FSTL1: variants seen among roughly 807,000 people sequenced by gnomAD.
FSTL1 encodes follistatin like 1, also known as follistatin-related protein 1.
A neutral mutation model predicts 45.9 loss-of-function variants in FSTL1; 24 were observed. The observed-to-expected ratio is 0.52, with a 90% CI of 0.38 to 0.74. FSTL1 has a LOEUF of 0.74. Among genes scored for constraint, FSTL1 ranks in the 30% least tolerant of loss-of-function variants. FSTL1 has a pLI of 0.00. For synonymous variants in FSTL1, 120 were observed against 137.6 expected (o/e 0.87, Z 0.89); for missense variants, 340 against 381.8 (o/e 0.89, Z 0.91).
intron 2 of FSTL1, among the ~76,000 whole-genome samples, chr3:120,422,727 C>A (rs1408984707): frequency 1.3e-5 from 2 of 151,456 alleles, no homozygotes; most frequent in African/African-American, 4.9e-5. Context: ...TGGAGTCTCG[C>A]TCTGGTGCCA....
At chr3:120,409,736 G>C (rs1937015564) in intron 5 of FSTL1, 74 bp from the exon 6 acceptor site, 3 of 1,455,076 alleles carry the variant, frequency 2.1e-6, no homozygotes, top group African/African-American at 1.4e-5. Context: ...CCACTGTGTG[G>C]GAGCATCCGT....
chr3:120,424,980 G>C (rs916509), intron 2 of FSTL1, among the ~76,000 whole-genome samples: 38,348 of 152,084 alleles, frequency 0.25, 5,840 homozygotes, highest in Middle Eastern at 0.37. Flanking sequence ...GAACAAATGA[G>C]CTCAGGAGAA....
Position 120,411,987 on chromosome 3 carries a change from A to T in FSTL1, c.169-4T>A. 1 of 1,609,524 alleles carries T rather than the reference A, an allele frequency of 6.2e-7. No individual in the cohort carries two copies. The highest frequency in any genetic ancestry group is 2.2e-5 in the East Asian group (1 of 44,796). ...GCCTCTTGTGAGGTTTGCATTGCTG[A>T]AACAGACCCAAAAGAGAATGTTTGT... is the stretch of plus-strand genomic sequence containing the variant. On this transcript the variant is annotated splice_region_variant and splice_polypyrimidine_tract_variant and intron_variant, in intron 3 of 10. Coordinates refer to ENST00000295633, the MANE Select transcript of FSTL1 (RefSeq NM_007085.5).
rs577117405 is a variant in FSTL1 at position 120,431,794 on chromosome 3, T to C, written c.64-15767A>G. ...GAATACTTTTCAAGTGGTGTATAACTGAAGTCAATAGAGATTATCTGAACA... is the reference window on the plus strand; with the variant it reads ...GAATACTTTTCAAGTGGTGTATAACCGAAGTCAATAGAGATTATCTGAACA... On this transcript the variant is annotated intron_variant, in intron 2 of 10. Coordinates refer to ENST00000295633, the MANE Select transcript of FSTL1 (RefSeq NM_007085.5). 2.9e-3 allele frequency among the ~76,000 whole-genome samples: 443 copies of C among 152,338 alleles called. 2 individuals carry two copies. The highest frequency in any genetic ancestry group is 9.9e-3 in the African/African-American group (412 of 41,572).
intron 2 of FSTL1, among the ~76,000 whole-genome samples, chr3:120,420,978 T>C (rs1018639173): frequency 1.2e-4 from 18 of 152,220 alleles, no homozygotes; most frequent in Non-Finnish European, 2.2e-4. Flanking sequence ...AAAAAGATCT[T>C]TGCAAGCAAA....
intron 2 of FSTL1, among the ~76,000 whole-genome samples, chr3:120,430,045 G>A (rs1937450040): frequency 6.6e-6 from 1 of 152,142 alleles, no homozygotes; most frequent in Non-Finnish European, 1.5e-5. Flanking sequence ...CAGGGATCCT[G>A]TAGTCATGAA....
chr3:120,425,715 G>T (rs117756142), intron 2 of FSTL1, among the ~76,000 whole-genome samples: 5 of 152,166 alleles, frequency 3.3e-5, no homozygotes, highest in Non-Finnish European at 5.9e-5. Flanking sequence ...CCAAACTAAA[G>T]AAAGTGGTTA....
At chr3:120,414,396 C>G (rs1937147151) in intron 3 of FSTL1, among the ~76,000 whole-genome samples, 1 of 152,254 alleles carries the variant, frequency 6.6e-6, no homozygotes, top group Non-Finnish European at 1.5e-5. Context: ...GCCCGGCCGC[C>G]CATCGTCTGA....
chr3:120,435,290 C>T (rs1053489390), intron 2 of FSTL1, among the ~76,000 whole-genome samples: 4 of 152,196 alleles, frequency 2.6e-5, no homozygotes, highest in Non-Finnish European at 4.4e-5. Context: ...TGTTCACTCA[C>T]AGTATTTTCT....
intron 3 of FSTL1, among the ~76,000 whole-genome samples, chr3:120,413,405 C>T (rs1937110171): frequency 6.6e-6 from 1 of 152,148 alleles, no homozygotes; most frequent in South Asian, 2.1e-4. Flanking sequence ...AGCTCACCCA[C>T]ATCTAGTTGT....
rs879360534 is a variant in FSTL1, at chr3:120,409,517, C to T, written c.462+15G>A. 4.3e-6 allele frequency: 7 copies of T among 1,612,720 alleles called. No homozygotes were observed. The East Asian group carries it at 1.3e-4, about 31-fold the overall frequency. ...TCTATGGGCCTGAATAGTCTTCCTC[C>T]TACCTCTGGATTACCTTAAAATACT... On this transcript the variant is annotated intron_variant, in intron 6 of 10. Coordinates refer to ENST00000295633, the MANE Select transcript of FSTL1 (RefSeq NM_007085.5).
At chr3:120,420,356 A>T (rs1157463964) in intron 2 of FSTL1, among the ~76,000 whole-genome samples, 3 of 152,186 alleles carry the variant, frequency 2.0e-5, no homozygotes, top group Admixed American at 1.3e-4. Flanking sequence ...AATGTAATTG[A>T]TTTGAGTGGG....
chr3:120,412,038 C>A (rs1215392824), intron 3 of FSTL1, 55 bp from the exon 4 acceptor site: 1 of 635,406 alleles, frequency 1.6e-6, no homozygotes, highest in Non-Finnish European at 2.5e-6. Context: ...GACACACAGA[C>A]ACACACACAC....
At chr3:120,438,538 A>G (rs561726873) in intron 2 of FSTL1, 1 of 152,344 alleles carries the variant, frequency 6.6e-6, no homozygotes, top group South Asian at 2.1e-4. Context: ...GAGCCAGCCT[A>G]TCTTTCAAAC....
chr3:120,415,368 T>G (rs1321941615), intron 3 of FSTL1, among the ~76,000 whole-genome samples: 1 of 152,216 alleles, frequency 6.6e-6, no homozygotes, highest in Non-Finnish European at 1.5e-5. Flanking sequence ...TACTAAACAT[T>G]ATGCCACTAC....
rs1433406213 is a variant in FSTL1, at chr3:120,450,139, A to G, written c.63+545T>C. The stretch of plus-strand genomic sequence containing the variant: ...CAACGTTACAGGGAACACTTGGGAA[A>G]AGGCCGTTACATTGCCCAGATGATA... On this transcript the variant is annotated intron_variant, in intron 2 of 10. Coordinates refer to ENST00000295633, the MANE Select transcript of FSTL1 (RefSeq NM_007085.5). Among the ~76,000 whole-genome samples the G allele has an allele frequency of 2.0e-5, 3 of 152,230 alleles. No individual in the cohort carries two copies. In the East Asian group the frequency reaches 5.8e-4, roughly 29 times the overall value.
intron 6 of FSTL1, among the ~76,000 whole-genome samples, chr3:120,406,457 G>A (rs996223839): frequency 2.6e-5 from 4 of 152,076 alleles, no homozygotes; most frequent in Non-Finnish European, 5.9e-5. Flanking sequence ...AGTGCCACAT[G>A]GCCCAAGTGG....
rs370251918 is a variant in FSTL1, at chr3:120,415,959, G to A, written c.132C>T (p.Val44=). The stretch of plus-strand genomic sequence containing the variant: ...GACAGGTGGGTTCCCCTTTCTCTGT[G>A]ACTGCACATTCCCGGCCGGCTCCAC... ...VFCGAGRECA[V]TEKGEPTCLC... is the part of the protein sequence containing the mutation. Residue 44 remains valine, a synonymous_variant, in exon 3 of 11, where the codon GTC becomes GTT. Coordinates refer to ENST00000295633, the MANE Select transcript of FSTL1 (RefSeq NM_007085.5). 6.8e-6 allele frequency: 11 copies of A among 1,613,628 alleles called. No individual in the cohort carries two copies. Among genetic ancestry groups the A allele is most frequent in the African/African-American group, 2.7e-5 (2 of 74,896 alleles).
At chr3:120,423,026 A>C (rs1193195990) in intron 2 of FSTL1, 2 of 152,218 alleles carry the variant, frequency 1.3e-5, no homozygotes, top group African/African-American at 4.8e-5. Context: ...CCTTTGATTA[A>C]TTTCTATGTT....
Sources: allele counts gnomAD v4.1 joint callset (sites outside exome capture counted in the v4.1 genomes callset), GRCh38; gene constraint gnomAD v4.1.1; transcripts MANE v1.5; gene names NCBI Gene and HGNC (gene_info 2026-07-23, HGNC 2026-07-21).